NDUFB6: variants seen among roughly 807,000 people sequenced by gnomAD.
NDUFB6 encodes NADH:ubiquinone oxidoreductase subunit B6, also known as NADH dehydrogenase [ubiquinone] 1 beta subcomplex subunit 6.
Under a neutral mutation model 17.5 loss-of-function variants are expected in NDUFB6, and 23 were observed. That is an observed-to-expected ratio of 1.31 (90% CI 0.94 to 1.86). NDUFB6 has a LOEUF of 1.86. Ranked by LOEUF, NDUFB6 falls within the 40% of genes most tolerant of loss-of-function variation. The pLI is 0.00. For missense variants in NDUFB6, 167 were observed against 153.8 expected (o/e 1.09, Z -0.46); for synonymous variants, 60 against 53.5 (o/e 1.12, Z -0.53).
At chr9:32,569,173 T>A (rs1821887208) in intron 2 of NDUFB6, among the ~76,000 whole-genome samples, 2 of 152,198 alleles carry the variant, frequency 1.3e-5, no homozygotes, top group South Asian at 4.1e-4. Context: ...ACATAGTCAC[T>A]AAGGCTCAAA....
intron 2 of NDUFB6, among the ~76,000 whole-genome samples, chr9:32,561,267 T>A (rs1235158114): frequency 5.9e-5 from 9 of 152,070 alleles, no homozygotes; most frequent in Non-Finnish European, 1.5e-5. Flanking sequence ...AGACAGGCCA[T>A]GTCCACTTGG....
chr9:32,565,897 G>A (rs2889318), intron 2 of NDUFB6, among the ~76,000 whole-genome samples: 24,756 of 152,024 alleles, frequency 0.16, 2,666 homozygotes, highest in Non-Finnish European at 0.25. Flanking sequence ...ACTTGAACCC[G>A]GGAGGCGGAG....
intron 1 of NDUFB6, among the ~76,000 whole-genome samples, 186 bp downstream of exon 1, chr9:32,572,695 C>G (rs925315228): frequency 6.6e-6 from 1 of 152,192 alleles, no homozygotes; most frequent in Non-Finnish European, 1.5e-5. Flanking sequence ...ATGATTCTCT[C>G]AAAGCCATAC....
At position 32,572,774 on chromosome 9, in the gene NDUFB6, T is replaced by C. The variant is rs943640471; in HGVS notation, c.180+107A>G. On this transcript the variant is annotated intron_variant, in intron 1 of 3. Coordinates refer to ENST00000379847, the MANE Select transcript of NDUFB6 (RefSeq NM_002493.5). ...GGGACTGGCCAGTGTCCCAGAGCAC[T>C]GAGCGTTATCAGTCCTTGGTGTGGC... 13 of 1,072,968 alleles carry C rather than the reference T, an allele frequency of 1.2e-5. 1 individual carries two copies. The East Asian group carries it at 2.9e-4, about 24-fold the overall frequency. The allele number at this position is 1,072,968 out of a possible 1,614,324, so 66.5% of individuals were successfully genotyped here. A position where few individuals can be genotyped will look rare whatever the true frequency, so the allele number is the denominator to read the frequency against.
At chr9:32,560,126 G>C in intron 2 of NDUFB6, among the ~76,000 whole-genome samples, 1 of 152,200 alleles carries the variant, frequency 6.6e-6, no homozygotes, top group East Asian at 1.9e-4. Flanking sequence ...AATTCAATTA[G>C]GCAGCAAAGG....
chr9:32,571,001 G>T lies in NDUFB6; in HGVS notation c.232C>A (p.Pro78Thr). The T allele has an allele frequency of 1.2e-6, 2 of 1,604,944 alleles. No homozygotes were observed. The highest frequency in any genetic ancestry group is 1.7e-6 in the Non-Finnish European group (2 of 1,174,572). Residue 78 changes from proline (P) to threonine (T), a missense_variant, in exon 2 of 4, where the codon CCT (proline) becomes ACT (threonine). Physicochemically the swap from Pro to Thr is conservative, Grantham distance 38. Coordinates refer to ENST00000379847, the MANE Select transcript of NDUFB6 (RefSeq NM_002493.5). ...ATGTAATAATGAATAATCCAGACAG[G>T]TACAAGTACATGAGTGAAAACAAAG... ...SIFVFTHVLV[P>T]VWIIHYYMKY... is the part of the protein sequence containing the mutation.
chr9:32,554,034 G>A, intron 3 of NDUFB6, 90 bp from the exon 4 acceptor site: 1 of 777,522 alleles, frequency 1.3e-6, no homozygotes, highest in Non-Finnish European at 2.1e-6. Flanking sequence ...GATCTCACAT[G>A]GAAAATGTAC....
intron 3 of NDUFB6, among the ~76,000 whole-genome samples, chr9:32,554,279 C>T (rs541933644): frequency 6.6e-6 from 1 of 152,312 alleles, no homozygotes; most frequent in South Asian, 2.1e-4. Flanking sequence ...AAGGAAACAT[C>T]TGCAGTTCCA....
At chr9:32,557,724 A>T (rs1480809523) in intron 3 of NDUFB6, among the ~76,000 whole-genome samples, 1 of 151,686 alleles carries the variant, frequency 6.6e-6, no homozygotes, top group Non-Finnish European at 1.5e-5. Flanking sequence ...TGATCCACCC[A>T]CCTTGGCCTC....
rs1821666111 is a variant in NDUFB6 at position 32,562,915 on chromosome 9, G to A, written c.274-3961C>T. 2.0e-5 allele frequency among the ~76,000 whole-genome samples: 3 copies of A among 152,160 alleles called. No individual in the cohort carries two copies. The South Asian group carries it at 6.2e-4, about 32-fold the overall frequency. ...AGATAATGCAATTATGCCTATTAAT[G>A]AAGAATTGCATTTAGTTGGCATATC... On this transcript the variant is annotated intron_variant, in intron 2 of 3. Transcript: ENST00000379847.
intron 2 of NDUFB6, chr9:32,566,257 C>CT (rs1217374480): frequency 4.6e-6 from 5 of 1,077,530 alleles, no homozygotes; most frequent in Non-Finnish European, 2.9e-6. Context: ...GCAGACAACA[C>CT]TAATTTTAGG....
At chr9:32,555,908 C>T (rs1235799081) in intron 3 of NDUFB6, among the ~76,000 whole-genome samples, 1 of 152,222 alleles carries the variant, frequency 6.6e-6, no homozygotes, top group Non-Finnish European at 1.5e-5. Context: ...AGTGAGATTT[C>T]AGGATTGCCA....
chr9:32,565,420 C>A (rs1269467268), intron 2 of NDUFB6: 1 of 152,208 alleles, frequency 6.6e-6, no homozygotes, highest in African/African-American at 2.4e-5. Context: ...GATGGAGCTG[C>A]CCATTTGCCA....
Position 32,573,033 on chromosome 9 carries a change from G to C in NDUFB6, c.28C>G (p.Leu10Val), listed in dbSNP as rs147041942. 1.3e-6 allele frequency: 2 copies of C among 1,598,488 alleles called. No individual in the cohort carries two copies. The highest frequency in any genetic ancestry group is 2.7e-5 in the African/African-American group (2 of 74,236). MTGYTPDEK[L>V]RLQQLRELRR... ...AGCTCTCGCAGCTGCTGCAGCCGCA[G>C]TTTCTCATCCGGAGTGTACCCCGTC... Residue 10 changes from leucine (L) to valine (V), a missense_variant, in exon 1 of 4, where the codon CTG becomes GTG. By Grantham distance (32) the Leu-to-Val change is conservative. Transcript: ENST00000379847.
intron 2 of NDUFB6, chr9:32,566,434 G>C (rs993381066): frequency 2.5e-5 from 21 of 836,908 alleles, no homozygotes; most frequent in Non-Finnish European, 4.5e-5. Flanking sequence ...GTTACTGTAG[G>C]GGTTGATGGA....
At chr9:32,561,230 C>T (rs1364276437) in intron 2 of NDUFB6, among the ~76,000 whole-genome samples, 3 of 152,152 alleles carry the variant, frequency 2.0e-5, no homozygotes, top group Non-Finnish European at 4.4e-5. Flanking sequence ...CCTCTTAGAA[C>T]TAACAATCTC....
chr9:32,569,231 CTT>C (rs1563998290), intron 2 of NDUFB6, among the ~76,000 whole-genome samples: 1 of 151,496 alleles, frequency 6.6e-6, no homozygotes, highest in Non-Finnish European at 1.5e-5. Context: ...TTTTCTTTTT[CTT>C]TTTTGAGACG....
At chr9:32,569,421 T>C (rs2119035767) in intron 2 of NDUFB6, among the ~76,000 whole-genome samples, 1 of 152,168 alleles carries the variant, frequency 6.6e-6, no homozygotes, top group South Asian at 2.1e-4. Flanking sequence ...GGTTTCACCA[T>C]GTTGGCCAGG....
At chr9:32,557,322 C>T (rs1272295399) in intron 3 of NDUFB6, among the ~76,000 whole-genome samples, 1 of 125,876 alleles carries the variant, frequency 7.9e-6, no homozygotes, top group African/African-American at 3.1e-5. Flanking sequence ...CACCACCACA[C>T]CTGGCTAATT....
Sources: gnomAD v4.1 joint callset for allele counts (sites outside exome capture counted in the v4.1 genomes callset) on GRCh38, gnomAD v4.1.1 for gene constraint, MANE v1.5 for transcripts, NCBI Gene and HGNC (gene_info 2026-07-23, HGNC 2026-07-21) for gene names.